The following SCHIP1 variants were observed in gnomAD, a reference collection of about 807,000 sequenced individuals.
SCHIP1 encodes schwannomin interacting protein 1, also known as schwannomin-interacting protein 1.
SCHIP1 carries 8 observed loss-of-function variants against 29.7 expected under a neutral mutation model. That is an observed-to-expected ratio of 0.27 (90% CI 0.16 to 0.49). SCHIP1 has a LOEUF of 0.49. Ranked by LOEUF, SCHIP1 falls within the 20% of genes least tolerant of loss-of-function variation. SCHIP1 has a pLI of 0.99. For synonymous variants in SCHIP1, 76 were observed against 94.9 expected, an observed-to-expected ratio of 0.80 and a Z score of 1.16; for missense variants, 193 against 294.6, an observed-to-expected ratio of 0.66 and a Z score of 2.52.
the SCHIP1 span, among the ~76,000 whole-genome samples, chr3:159,513,745 T>G: frequency 3.3e-5 from 5 of 152,194 alleles, no homozygotes; most frequent in African/African-American, 1.2e-4. Flanking sequence ...TTTCCACAGC[T>G]GATGCTGAGG....
the SCHIP1 span, among the ~76,000 whole-genome samples, chr3:159,334,358 A>T: frequency 6.6e-6 from 1 of 152,198 alleles, no homozygotes; most frequent in Non-Finnish European, 1.5e-5. Context: ...TATGCACATC[A>T]TAGGCCTTCA....
chr3:159,755,595 T>G, the SCHIP1 span, among the ~76,000 whole-genome samples: 1 of 152,198 alleles, frequency 6.6e-6, no homozygotes, highest in Non-Finnish European at 1.5e-5. Context: ...TATCTTCACA[T>G]TTGAAAACGA....
chr3:159,701,136 C>T, the SCHIP1 span, among the ~76,000 whole-genome samples: 3 of 152,202 alleles, frequency 2.0e-5, no homozygotes, highest in South Asian at 6.2e-4. Flanking sequence ...ACCAGACTTT[C>T]GAGAATGATC....
the SCHIP1 span, among the ~76,000 whole-genome samples, chr3:159,693,258 A>C: frequency 2.0e-5 from 3 of 152,184 alleles, no homozygotes; most frequent in African/African-American, 7.2e-5. Context: ...GAATAGTTTT[A>C]GTTTCATTGA....
At chr3:159,339,160 AT>A in the SCHIP1 span, among the ~76,000 whole-genome samples, 2 of 151,896 alleles carry the variant, frequency 1.3e-5, no homozygotes, top group African/African-American at 4.8e-5. Context: ...CCATCAAAGA[AT>A]TACTATATTA....
At chr3:159,548,379 A>G in the SCHIP1 span, among the ~76,000 whole-genome samples, 12 of 151,910 alleles carry the variant, frequency 7.9e-5, no homozygotes, top group African/African-American at 2.9e-4. Flanking sequence ...AATTATTGTT[A>G]TGAGTGTCTT....
the SCHIP1 span, among the ~76,000 whole-genome samples, chr3:159,631,206 T>C: frequency 1.4e-5 from 2 of 148,144 alleles, no homozygotes; most frequent in African/African-American, 4.9e-5. Context: ...TTGGCAACAA[T>C]ATGGAGATAT....
chr3:159,388,771 A>T, the SCHIP1 span, among the ~76,000 whole-genome samples: 15 of 152,172 alleles, frequency 9.9e-5, no homozygotes, highest in Non-Finnish European at 2.1e-4. Context: ...TATAAAAAGA[A>T]ATTTGTAATA....
the SCHIP1 span, among the ~76,000 whole-genome samples, chr3:159,720,924 A>G: frequency 2.6e-3 from 398 of 152,318 alleles, 1 homozygote; most frequent in African/African-American, 8.6e-3. Flanking sequence ...AACATTCTTT[A>G]TCTTTCATTT....
intron 2 of SCHIP1, among the ~76,000 whole-genome samples, chr3:159,882,512 G>A (rs532363234): frequency 1.3e-4 from 20 of 152,230 alleles, no homozygotes; most frequent in Non-Finnish European, 1.8e-4. Context: ...GCCCAATCCC[G>A]GTCACTACAA....
the SCHIP1 span, among the ~76,000 whole-genome samples, chr3:159,793,678 C>T: frequency 6.6e-6 from 1 of 152,132 alleles, no homozygotes; most frequent in Admixed American, 6.5e-5. Flanking sequence ...GTGCCTCAGC[C>T]TCCCAAGTAG....
chr3:159,780,705 CT>C, the SCHIP1 span, among the ~76,000 whole-genome samples: 2 of 152,238 alleles, frequency 1.3e-5, no homozygotes, highest in African/African-American at 4.8e-5. Context: ...TCCTTTACCT[CT>C]GTGACCCATA....
At chr3:159,710,769 A>G in the SCHIP1 span, among the ~76,000 whole-genome samples, 3 of 152,326 alleles carry the variant, frequency 2.0e-5, no homozygotes, top group African/African-American at 4.8e-5. Context: ...AAAAAGCACA[A>G]TGGAATTTTT....
At chr3:159,827,143 C>G in the SCHIP1 span, among the ~76,000 whole-genome samples, 35,651 of 152,034 alleles carry the variant, frequency 0.23, 5,897 homozygotes, top group African/African-American at 0.48. Context: ...AATAGTGTTT[C>G]TTCTACTATT....
chr3:159,519,429 C>A, the SCHIP1 span, among the ~76,000 whole-genome samples: 10 of 152,086 alleles, frequency 6.6e-5, no homozygotes, highest in East Asian at 1.9e-4. Context: ...TTATTATATA[C>A]TAGTACTTGA....
the SCHIP1 span, among the ~76,000 whole-genome samples, chr3:159,694,537 CAAGAAAGAAAGAAAGA>C: frequency 0.12 from 14,071 of 119,330 alleles, 903 homozygotes; most frequent in Admixed American, 0.15. Context: ...AAAGAAAAGA[CAAGAAAGAAAGAAAGA>C]AAGAAAGAAA....
At chr3:159,818,765 G>T in the SCHIP1 span, among the ~76,000 whole-genome samples, 1 of 152,226 alleles carries the variant, frequency 6.6e-6, no homozygotes, top group East Asian at 1.9e-4. Flanking sequence ...CCCTGCTCTA[G>T]TCCATGGTCA....
chr3:159,469,860 C>T, the SCHIP1 span, among the ~76,000 whole-genome samples: 1 of 152,014 alleles, frequency 6.6e-6, no homozygotes, highest in Admixed American at 6.6e-5. Context: ...AGATGTATCA[C>T]AAAAAGTCAA....
At chr3:159,760,554 GT>G in the SCHIP1 span, among the ~76,000 whole-genome samples, 1 of 152,200 alleles carries the variant, frequency 6.6e-6, no homozygotes, top group Non-Finnish European at 1.5e-5. Flanking sequence ...GATAATAGTA[GT>G]TTCTTCATAG....
Sources: allele counts gnomAD v4.1 joint callset (sites outside exome capture counted in the v4.1 genomes callset), GRCh38; gene constraint gnomAD v4.1.1; transcripts MANE v1.5; gene names NCBI Gene and HGNC (gene_info 2026-07-23, HGNC 2026-07-21).